Variants in RANBP2 observed in about 807,000 individuals in gnomAD.
The protein encoded by RANBP2 is E3 SUMO-protein ligase RanBP2.
Under a neutral mutation model 303.6 loss-of-function variants are expected in RANBP2, and 57 were observed. The ratio of observed to expected loss-of-function variants is 0.19; its 90% CI spans 0.15 to 0.23. RANBP2 has a LOEUF of 0.23. Ranked by LOEUF, RANBP2 falls within the 10% of genes least tolerant of loss-of-function variation. The pLI is 1.00. For synonymous variants in RANBP2, 1,167 were observed against 1,301.5 expected, an observed-to-expected ratio of 0.90 and a Z score of 2.23; for missense variants, 3,138 against 3,780.8, an observed-to-expected ratio of 0.83 and a Z score of 4.46.
chr2:109,697,426 G>A, the RANBP2 span, among the ~76,000 whole-genome samples: 4 of 151,626 alleles, frequency 2.6e-5, no homozygotes, highest in South Asian at 2.1e-4. Flanking sequence ...CAGAGGTTGC[G>A]GTGAGCCAAG....
chr2:109,368,394 T>C, the RANBP2 span, among the ~76,000 whole-genome samples: 16 of 152,346 alleles, frequency 1.1e-4, no homozygotes, highest in South Asian at 3.3e-3. Flanking sequence ...TTAATCCTTA[T>C]GGAATGAATT....
chr2:108,775,675 T>A (rs1677829111), intron 23 of RANBP2, 57 bp from the exon 24 acceptor site: 1 of 1,563,054 alleles, frequency 6.4e-7, no homozygotes, highest in Non-Finnish European at 8.8e-7. Flanking sequence ...GATTATATAA[T>A]CTGTTTTGTA....
chr2:109,499,460 A>T, the RANBP2 span, among the ~76,000 whole-genome samples: 1 of 152,312 alleles, frequency 6.6e-6, no homozygotes, highest in South Asian at 2.1e-4. Flanking sequence ...ATCTTCTCTC[A>T]GCCCTTACTG....
At chr2:109,761,599 C>G in the RANBP2 span, among the ~76,000 whole-genome samples, 1 of 148,334 alleles carries the variant, frequency 6.7e-6, no homozygotes, top group Non-Finnish European at 1.5e-5. Context: ...TCTTAAAAAT[C>G]CCATTGGCTG....
the RANBP2 span, among the ~76,000 whole-genome samples, chr2:109,303,445 GGT>G: frequency 6.6e-6 from 1 of 152,124 alleles, no homozygotes; most frequent in African/African-American, 2.4e-5. Flanking sequence ...TGTGTAGACT[GGT>G]ACATGGCAGA....
At chr2:109,363,735 G>A in the RANBP2 span, among the ~76,000 whole-genome samples, 1 of 152,140 alleles carries the variant, frequency 6.6e-6, no homozygotes, top group Non-Finnish European at 1.5e-5. Flanking sequence ...CACAGGTACA[G>A]AATTCTAGGT....
At chr2:108,743,355 G>A (rs1050930489) in intron 7 of RANBP2, among the ~76,000 whole-genome samples, 3 of 152,120 alleles carry the variant, frequency 2.0e-5, no homozygotes, top group Non-Finnish European at 4.4e-5. Flanking sequence ...CTGCATCCTC[G>A]AACTCCTGGG....
At chr2:109,039,055 C>T in the RANBP2 span, among the ~76,000 whole-genome samples, 1 of 152,164 alleles carries the variant, frequency 6.6e-6, no homozygotes, top group Admixed American at 6.5e-5. Context: ...AATCAGTAGA[C>T]TTTGAGTAAA....
chr2:109,379,511 G>A, the RANBP2 span, among the ~76,000 whole-genome samples: 1 of 152,208 alleles, frequency 6.6e-6, no homozygotes, highest in Admixed American at 6.5e-5. Flanking sequence ...AGGACACCCT[G>A]ATGATGCCAC....
In RANBP2 at chr2:108,777,237, A is replaced by G. The variant is rs775957320; in HGVS notation, c.8599+6A>G. The G allele has an allele frequency of 6.2e-7, 1 of 1,608,440 alleles. No homozygotes were observed. Among genetic ancestry groups the G allele is most frequent in the African/African-American group, 1.3e-5 (1 of 74,364 alleles). On this transcript the variant is annotated splice_donor_region_variant and intron_variant, in intron 25 of 28. Transcript: ENST00000283195. ...TTTTGCTTTTGGTTCTAAAGGTAAG[A>G]TCAAGAGGAGAGACTTTTAATGACA... is the stretch of plus-strand genomic sequence containing the variant.
the RANBP2 span, among the ~76,000 whole-genome samples, chr2:109,417,522 G>GCACAGGACCCTC: frequency 4.6e-5 from 7 of 152,162 alleles, no homozygotes; most frequent in Non-Finnish European, 1.5e-5. Context: ...CATGAGGCAG[G>GCACAGGACCCTC]CACAGGACCC....
rs529216244 is a variant in RANBP2, at chr2:108,774,834, T to C, written c.8293-898T>C. Among the ~76,000 whole-genome samples the C allele has an allele frequency of 2.6e-5, 4 of 151,730 alleles. No homozygotes were observed. The South Asian group carries it at 8.3e-4, about 32-fold the overall frequency. On this transcript the variant is annotated intron_variant, in intron 23 of 28. Transcript: ENST00000283195. Reference sequence around the variant, plus strand: ...AATTCTCATGTCTCAGCCACCCGAGTATCTGCGATTATAGGCGTGGCTAAT... The same window carrying C: ...AATTCTCATGTCTCAGCCACCCGAGCATCTGCGATTATAGGCGTGGCTAAT...
chr2:108,880,226 A>AAC, the RANBP2 span, among the ~76,000 whole-genome samples: 6,474 of 57,132 alleles, frequency 0.11, 477 homozygotes, highest in African/African-American at 0.22. Context: ...AAAACAAACA[A>AAC]AAAAAAAAAC....
At chr2:109,031,392 A>T in the RANBP2 span, among the ~76,000 whole-genome samples, 1 of 152,104 alleles carries the variant, frequency 6.6e-6, no homozygotes, top group Admixed American at 6.5e-5. Flanking sequence ...CAGCCTTCTT[A>T]TAAGGTTATC....
the RANBP2 span, among the ~76,000 whole-genome samples, chr2:109,270,463 A>G: frequency 6.6e-6 from 1 of 152,170 alleles, no homozygotes; most frequent in East Asian, 1.9e-4. Context: ...TCTTGTTTCC[A>G]CTGCCTGAGC....
At chr2:108,834,429 G>T in the RANBP2 span, among the ~76,000 whole-genome samples, 1 of 151,386 alleles carries the variant, frequency 6.6e-6, no homozygotes, top group African/African-American at 2.4e-5. Flanking sequence ...TGGCCAGGCT[G>T]GTATTGAACA....
the RANBP2 span, among the ~76,000 whole-genome samples, chr2:109,213,422 A>T: frequency 6.6e-6 from 1 of 152,228 alleles, no homozygotes; most frequent in African/African-American, 2.4e-5. Flanking sequence ...ATTAGGGAAG[A>T]AAGTGTTCCC....
At chr2:108,862,789 C>T in the RANBP2 span, among the ~76,000 whole-genome samples, 6 of 151,828 alleles carry the variant, frequency 4.0e-5, no homozygotes, top group African/African-American at 1.5e-4. Flanking sequence ...TGATGTTGGC[C>T]ACCTTTTGTT....
the RANBP2 span, chr2:109,130,050 C>A: frequency 7.3e-7 from 1 of 1,362,770 alleles, no homozygotes; most frequent in South Asian, 1.7e-5. Flanking sequence ...TCTCCGCGGC[C>A]GCGGGCAGCA....
Sources: allele counts gnomAD v4.1 joint callset (sites outside exome capture counted in the v4.1 genomes callset), GRCh38; gene constraint gnomAD v4.1.1; transcripts MANE v1.5; gene names NCBI Gene and HGNC (gene_info 2026-07-23, HGNC 2026-07-21).